The following UBA6 variants were observed in gnomAD, a reference collection of about 807,000 sequenced individuals.
UBA6 encodes the protein ubiquitin-like modifier-activating enzyme 6.
A neutral mutation model predicts 148.3 loss-of-function variants in UBA6; 87 were observed. That is an observed-to-expected ratio of 0.59 (90% CI 0.49 to 0.70). UBA6 has a LOEUF of 0.70. Among genes scored for constraint, UBA6 ranks in the 30% least tolerant of loss-of-function variants. The pLI is 0.00. For synonymous variants in UBA6, 376 were observed against 401.0 expected (o/e 0.94, Z 0.75); for missense variants, 1,186 against 1,241.2 (o/e 0.96, Z 0.67).
At chr4:67,672,636 T>A (rs548794752) in intron 7 of UBA6, among the ~76,000 whole-genome samples, 4 of 152,312 alleles carry the variant, frequency 2.6e-5, no homozygotes, top group Non-Finnish European at 5.9e-5. Context: ...AATCTTCTGG[T>A]ATATTTTATT....
intron 23 of UBA6, 83 bp from the exon 24 acceptor site, chr4:67,631,991 G>A (rs1202365643): frequency 3.1e-6 from 4 of 1,289,784 alleles, no homozygotes; most frequent in African/African-American, 3.0e-5. Context: ...AAAAATGTGT[G>A]TAGTAAATAT....
chr4:67,677,639 G>T lies in UBA6; in HGVS notation c.437C>A (p.Thr146Lys). Residue 146 changes from threonine (T) to lysine (K), a missense_variant, in exon 6 of 33, where the codon ACA (threonine) becomes AAA (lysine). Coordinates refer to ENST00000322244, the MANE Select transcript of UBA6 (RefSeq NM_018227.6). ...TSSSVPFNETTDLSFLDKYQC... is the reference protein window; with the variant it reads ...TSSSVPFNETKDLSFLDKYQC... ...GTATTTATCTAAAAAGGAGAGATCT[G>T]TGGTCTCATTGAAAGGAACAGAAGA... 6.3e-7 allele frequency: 1 copy of T among 1,593,604 alleles called. No homozygotes were observed.
rs767761984 is a variant in UBA6 at position 67,625,150 on chromosome 4, A to T, written c.2556T>A (p.Asp852Glu). ...LQMAVLSFEK[D>E]DDHNGHIDFI... ...AATCTATGTGTCCATTATGATCATC[A>T]TCTTTTTCAAATGAAAGCACTGCCA... Residue 852 changes from aspartate (D) to glutamate (E), a missense_variant, in exon 29 of 33, where the codon GAT becomes GAA. By Grantham distance (45) the Asp-to-Glu change is conservative (BLOSUM62 2). Coordinates refer to ENST00000322244, the MANE Select transcript of UBA6 (RefSeq NM_018227.6). 1 of 1,611,802 alleles carries T rather than the reference A, an allele frequency of 6.2e-7. No homozygotes were observed. Among genetic ancestry groups the T allele is most frequent in the Non-Finnish European group, 8.5e-7 (1 of 1,178,724 alleles).
chr4:67,630,107 TC>T (rs1728962259), intron 26 of UBA6, among the ~76,000 whole-genome samples: 5 of 151,972 alleles, frequency 3.3e-5, no homozygotes, highest in African/African-American at 1.2e-4. Context: ...ACAAAGAAAA[TC>T]TCTACGCAGT....
intron 13 of UBA6, among the ~76,000 whole-genome samples, chr4:67,656,786 C>T (rs1209691077): frequency 1.3e-5 from 2 of 152,180 alleles, no homozygotes; most frequent in Non-Finnish European, 2.9e-5. Flanking sequence ...AAAACCCCAA[C>T]ATCTCAGCCC....
chr4:67,636,579 A>G (rs1296023156), intron 19 of UBA6, among the ~76,000 whole-genome samples: 1 of 152,154 alleles, frequency 6.6e-6, no homozygotes, highest in Non-Finnish European at 1.5e-5. Context: ...TTTTTGGTGG[A>G]GACGGGGTTT....
chr4:67,695,909 A>C (rs1214188457), intron 2 of UBA6, among the ~76,000 whole-genome samples: 7 of 152,206 alleles, frequency 4.6e-5, no homozygotes, highest in Non-Finnish European at 1.0e-4. Context: ...TACTTTAAAA[A>C]GTATTCAAAT....
At chr4:67,645,001 C>A (rs1729390106) in intron 16 of UBA6, among the ~76,000 whole-genome samples, 1 of 151,502 alleles carries the variant, frequency 6.6e-6, no homozygotes, top group Non-Finnish European at 1.5e-5. Flanking sequence ...TAGAAATAAA[C>A]ACAATATAAT....
chr4:67,632,613 T>C (rs1337109467), intron 23 of UBA6, among the ~76,000 whole-genome samples: 1 of 152,202 alleles, frequency 6.6e-6, no homozygotes. Context: ...TCAAATTTAC[T>C]GGGTAAAGAA....
intron 2 of UBA6, among the ~76,000 whole-genome samples, chr4:67,691,016 T>C (rs1011680461): frequency 3.3e-5 from 5 of 152,138 alleles, no homozygotes; most frequent in Admixed American, 1.3e-4. Flanking sequence ...TATATGACAA[T>C]GTACACAGAG....
At chr4:67,634,394 C>G (rs747696247) in intron 21 of UBA6, 35 bp downstream of exon 21, 1 of 1,556,896 alleles carries the variant, frequency 6.4e-7, no homozygotes, top group Non-Finnish European at 8.6e-7. Context: ...TTCTTTCTCA[C>G]TTCAAAGAAA....
chr4:67,665,433 T>TTG (rs201604297), intron 9 of UBA6, 141 bp from the exon 10 acceptor site: 45,921 of 332,098 alleles, frequency 0.14, 1,586 homozygotes, highest in African/African-American at 0.22. Flanking sequence ...GTTTGTTTGT[T>TTG]TTTTTTTTTT....
At chr4:67,698,656 A>T (rs2109964357) in intron 1 of UBA6, among the ~76,000 whole-genome samples, 1 of 152,220 alleles carries the variant, frequency 6.6e-6, no homozygotes, top group South Asian at 2.1e-4. Context: ...TAAAGGAAAC[A>T]CTTAAAAAAA....
chr4:67,695,481 T>G lies in UBA6; in HGVS notation c.134+1164A>C, dbSNP rs538807479. Among the ~76,000 whole-genome samples the G allele has an allele frequency of 2.6e-5, 4 of 152,338 alleles. No homozygotes were observed. In the East Asian group the frequency reaches 7.7e-4, roughly 29 times the overall value. Reference sequence around the variant, plus strand: ...ATCAATAAAATGGCTACTCTTATCCTTAGGTCACTGCCTAACTCATTAACC... The same window carrying G: ...ATCAATAAAATGGCTACTCTTATCCGTAGGTCACTGCCTAACTCATTAACC... On this transcript the variant is annotated intron_variant, in intron 2 of 32. Transcript: ENST00000322244.
At chr4:67,667,867 C>G (rs555692842) in intron 9 of UBA6, among the ~76,000 whole-genome samples, 1 of 152,196 alleles carries the variant, frequency 6.6e-6, no homozygotes, top group African/African-American at 2.4e-5. Flanking sequence ...CAGACCCCTT[C>G]AACTTCTTGC....
At chr4:67,685,688 C>G (rs1021874453) in intron 2 of UBA6, among the ~76,000 whole-genome samples, 7 of 152,100 alleles carry the variant, frequency 4.6e-5, no homozygotes. Context: ...CATGAGGGCT[C>G]TACCCTCGTG....
chr4:67,687,317 A>C lies in UBA6; in HGVS notation c.135-5104T>G, dbSNP rs532673254. 3.9e-5 allele frequency among the ~76,000 whole-genome samples: 6 copies of C among 152,254 alleles called. No individual in the cohort carries two copies. The South Asian group carries it at 1.2e-3, about 32-fold the overall frequency. The stretch of plus-strand genomic sequence containing the variant: ...CCAAAGTGCTGGGATTACAGGCGTC[A>C]GCCACTGCACCCGACCAATATTATC... On this transcript the variant is annotated intron_variant, in intron 2 of 32. Transcript: ENST00000322244.
rs1728578371 is a variant in UBA6 at position 67,613,759 on chromosome 4, A to C, written c.*5238T>G. ...GGAGTCTGGGGAGTCATGCTCTACA[A>C]ACCATAAATTCTCATCAGATGGGTT... is the stretch of plus-strand genomic sequence containing the variant. On this transcript the variant is annotated 3_prime_UTR_variant, in exon 33 of 33. Transcript: ENST00000322244. The C allele has an allele frequency of 6.6e-6, 1 of 152,216 alleles. No individual in the cohort carries two copies. Among genetic ancestry groups the C allele is most frequent in the African/African-American group, 2.4e-5 (1 of 41,448 alleles). 9.4% of individuals were successfully genotyped at this position (152,216 alleles called of 1,614,324 possible).
rs898108699 is a variant in UBA6, at chr4:67,652,817, C to T, written c.1105-3606G>A. ...TATCCTTGGAAAAACGGTACACTTC[C>T]GCCCAAATACTGCACTTTCCTCACC... On this transcript the variant is annotated intron_variant, in intron 13 of 32. Coordinates refer to ENST00000322244, the MANE Select transcript of UBA6 (RefSeq NM_018227.6). Among the ~76,000 whole-genome samples, 53 of 152,216 alleles carry T rather than the reference C, an allele frequency of 3.5e-4. 1 individual carries two copies. The highest frequency in any genetic ancestry group is 3.0e-3 in the Admixed American group (46 of 15,286).
Sources: allele counts gnomAD v4.1 joint callset (sites outside exome capture counted in the v4.1 genomes callset), GRCh38; gene constraint gnomAD v4.1.1; transcripts MANE v1.5; gene names NCBI Gene and HGNC (gene_info 2026-07-23, HGNC 2026-07-21).